CNIH3: variants seen among roughly 807,000 people sequenced by gnomAD.
CNIH3 encodes protein cornichon homolog 3.
CNIH3 carries 14 observed loss-of-function variants against 24.1 expected under a neutral mutation model. That is an observed-to-expected ratio of 0.58 (90% CI 0.38 to 0.91). The LOEUF is 0.91. Ranked by LOEUF, CNIH3 falls within the 40% of genes least tolerant of loss-of-function variation. The pLI is 0.00. For missense variants in CNIH3, 178 were observed against 196.8 expected (o/e 0.90, Z 0.57); for synonymous variants, 68 against 73.8 (o/e 0.92, Z 0.40).
downstream of CNIH3, among the ~76,000 whole-genome samples, chr1:224,540,956 G>A (rs73133329): frequency 0.062 from 9,421 of 152,112 alleles, 516 homozygotes; most frequent in African/African-American, 0.15. Context: ...AAGATAGAAC[G>A]CATTTTCTTA....
At chr1:224,538,371 T>A (rs1368718464), downstream of CNIH3, among the ~76,000 whole-genome samples, 1 of 152,168 alleles carries the variant, frequency 6.6e-6, no homozygotes, top group Non-Finnish European at 1.5e-5. Context: ...ACCATAACTG[T>A]CTGACCAAGA....
At chr1:224,676,137 A>C (rs1218664212) in intron 1 of CNIH3, among the ~76,000 whole-genome samples, 2 of 152,258 alleles carry the variant, frequency 1.3e-5, no homozygotes, top group Non-Finnish European at 2.9e-5. Context: ...TCGTTTGTAC[A>C]ATGGAATACT....
At chr1:224,667,625 A>G (rs1360340856) in intron 1 of CNIH3, among the ~76,000 whole-genome samples, 1 of 152,210 alleles carries the variant, frequency 6.6e-6, no homozygotes, top group African/African-American at 2.4e-5. Flanking sequence ...CACTTTACCT[A>G]TTAGACTGCA....
At chr1:224,626,898 A>G (rs1394644937) in intron 1 of CNIH3, among the ~76,000 whole-genome samples, 1 of 152,172 alleles carries the variant, frequency 6.6e-6, no homozygotes, top group Non-Finnish European at 1.5e-5. Context: ...CCTGGGTCTC[A>G]TCATCAGCAA....
chr1:224,631,798 G>A (rs1459573851), intron 1 of CNIH3, among the ~76,000 whole-genome samples: 1 of 152,182 alleles, frequency 6.6e-6, no homozygotes, highest in Non-Finnish European at 1.5e-5. Context: ...TGCAGGGGAG[G>A]AAAGCAGAGT....
At chr1:224,654,987 C>T (rs961849210) in intron 1 of CNIH3, among the ~76,000 whole-genome samples, 2 of 152,118 alleles carry the variant, frequency 1.3e-5, no homozygotes, top group African/African-American at 4.8e-5. Flanking sequence ...GAAAACAGAT[C>T]GCACATGCAA....
rs1686574159 is a variant in CNIH3 at position 224,684,822 on chromosome 1, C to T, written c.177C>T (p.Arg59=). The change falls in exon 3 of 6, where the codon CGC becomes CGT. Residue 59 remains arginine, a synonymous_variant. Coordinates refer to ENST00000272133, the MANE Select transcript of CNIH3 (RefSeq NM_152495.2). The surrounding 1 kb of genome is among the most constrained non-coding windows in gnomAD (Gnocchi z 4.2). ...HARERLRNIE[R]ICFLLRKLVL... ...GGGAACGGTTGAGGAACATCGAGCG[C>T]ATCTGCTTCCTTCTGCGAAAGGTCA... 6.2e-7 allele frequency: 1 copy of T among 1,614,144 alleles called. No individual in the cohort carries two copies. The highest frequency in any genetic ancestry group is 1.3e-5 in the African/African-American group (1 of 75,066).
At chr1:224,564,977 A>T (rs547309421) in intron 3 of CNIH3, among the ~76,000 whole-genome samples, 2 of 152,228 alleles carry the variant, frequency 1.3e-5, no homozygotes, top group Non-Finnish European at 2.9e-5. Context: ...ACTGCATCCC[A>T]GTCCCCTTCA....
chr1:224,616,588 C>T lies in CNIH3; in HGVS notation c.-587C>T. 1 of 986,666 alleles carries T rather than the reference C, an allele frequency of 1.0e-6. No individual in the cohort carries two copies. Among genetic ancestry groups the T allele is most frequent in the Non-Finnish European group, 1.2e-6 (1 of 830,840 alleles). 61.1% of individuals were successfully genotyped at this position (986,666 alleles called of 1,614,324 possible). ...GGGGCGCAGGACCAACGGGACCTAC[C>T]TCCTCCCGGCTACCTAAAGACTCCT... On this transcript the variant is annotated 5_prime_UTR_variant, in exon 1 of 6. Coordinates refer to ENST00000272133, the MANE Select transcript of CNIH3 (RefSeq NM_152495.2).
intron 1 of CNIH3, among the ~76,000 whole-genome samples, chr1:224,629,199 G>A (rs1045578881): frequency 6.6e-6 from 1 of 151,938 alleles, no homozygotes; most frequent in African/African-American, 2.4e-5. Flanking sequence ...AATAGAGACA[G>A]GGTTTCACCA....
At chr1:224,514,160 A>G (rs1486372267), upstream of CNIH3, among the ~76,000 whole-genome samples, 2 of 152,208 alleles carry the variant, frequency 1.3e-5, no homozygotes, top group East Asian at 1.9e-4. Flanking sequence ...TTTGATTTGC[A>G]TTTGTTCATC....
intron 1 of CNIH3, among the ~76,000 whole-genome samples, chr1:224,663,480 C>A (rs1245940349): frequency 6.6e-6 from 1 of 152,194 alleles, no homozygotes; most frequent in African/African-American, 2.4e-5. Context: ...GTTCAACCTG[C>A]AAATGGAAAT....
chr1:224,736,167 C>G (rs1044688733), intron 5 of CNIH3, among the ~76,000 whole-genome samples: 2 of 152,066 alleles, frequency 1.3e-5, no homozygotes, highest in Non-Finnish European at 2.9e-5. Flanking sequence ...ACTCTGTCTC[C>G]CAGGCTAGAC....
intron 2 of CNIH3, among the ~76,000 whole-genome samples, chr1:224,525,907 G>T (rs1197272536): frequency 1.3e-5 from 2 of 152,112 alleles, no homozygotes; most frequent in Non-Finnish European, 2.9e-5. Context: ...GGACAGGCCT[G>T]CCATACACTG....
At chr1:224,476,741 A>C (rs567623619) in intron 1 of CNIH3, among the ~76,000 whole-genome samples, 2 of 152,338 alleles carry the variant, frequency 1.3e-5, no homozygotes, top group South Asian at 4.1e-4. Context: ...AGCAATCTAC[A>C]GAGTCAATGC....
intron 3 of CNIH3, among the ~76,000 whole-genome samples, chr1:224,694,933 T>G (rs1227639382): frequency 1.3e-5 from 2 of 151,920 alleles, no homozygotes; most frequent in Non-Finnish European, 2.9e-5. Flanking sequence ...TTGGGGATTT[T>G]GGGGGAAAGG....
chr1:224,506,811 A>C (rs180905905), intron 1 of CNIH3, among the ~76,000 whole-genome samples: 41 of 152,220 alleles, frequency 2.7e-4, no homozygotes, highest in Non-Finnish European at 1.5e-5. Flanking sequence ...AATTATCAAC[A>C]AGCTCAGTAT....
intron 1 of CNIH3, among the ~76,000 whole-genome samples, chr1:224,677,981 G>A (rs1686218148): frequency 6.6e-6 from 1 of 152,116 alleles, no homozygotes; most frequent in Admixed American, 6.5e-5. Flanking sequence ...CAGGAAAACC[G>A]ATGTCAGCCT....
intron 3 of CNIH3, among the ~76,000 whole-genome samples, chr1:224,688,271 G>C (rs1686755590): frequency 6.6e-6 from 1 of 152,204 alleles, no homozygotes; most frequent in Non-Finnish European, 1.5e-5. Flanking sequence ...AATTATAGGT[G>C]CTTCTGTCTG....
Sources: gnomAD v4.1 joint callset for allele counts (sites outside exome capture counted in the v4.1 genomes callset) on GRCh38, gnomAD v4.1.1 for gene constraint, Gnocchi (gnomAD v3.1) non-coding constraint, MANE v1.5 for transcripts, NCBI Gene and HGNC (gene_info 2026-07-23, HGNC 2026-07-21) for gene names.